The following PTPRT variants were observed in gnomAD, a reference collection of about 807,000 sequenced individuals.
The protein encoded by PTPRT is receptor-type tyrosine-protein phosphatase T.
Under a neutral mutation model 176.8 loss-of-function variants are expected in PTPRT, and 56 were observed. That is an observed-to-expected ratio of 0.32 (90% CI 0.26 to 0.40). The LOEUF is 0.40. Among genes scored for constraint, PTPRT ranks in the 10% least tolerant of loss-of-function variants. PTPRT has a pLI of 1.00. For missense variants in PTPRT, 1,540 were observed against 1,908.2 expected (o/e 0.81, Z 3.60); for synonymous variants, 783 against 739.0 (o/e 1.06, Z -0.96).
At chr20:42,439,188 C>T (rs2059289985) in intron 9 of PTPRT, among the ~76,000 whole-genome samples, 1 of 152,156 alleles carries the variant, frequency 6.6e-6, no homozygotes, top group South Asian at 2.1e-4. Flanking sequence ...GAACAAATGG[C>T]TCCTAGACAT....
intron 1 of PTPRT, among the ~76,000 whole-genome samples, chr20:43,130,313 A>G (rs2013604301): frequency 6.6e-6 from 1 of 152,128 alleles, no homozygotes; most frequent in South Asian, 2.1e-4. Context: ...ACTGGAACAT[A>G]TTGTCTTTTC....
At chr20:42,605,516 A>G (rs959126109) in intron 7 of PTPRT, among the ~76,000 whole-genome samples, 2 of 152,238 alleles carry the variant, frequency 1.3e-5, no homozygotes, top group Non-Finnish European at 2.9e-5. Context: ...CTAATGCCTC[A>G]GCCTCAGCCA....
At chr20:42,684,126 G>A (rs1230003644) in intron 6 of PTPRT, among the ~76,000 whole-genome samples, 1 of 152,170 alleles carries the variant, frequency 6.6e-6, no homozygotes, top group Non-Finnish European at 1.5e-5. Context: ...GCCAAGGCAG[G>A]AGGATCACTT....
chr20:42,578,134 C>G (rs1288320295), intron 7 of PTPRT, among the ~76,000 whole-genome samples: 1 of 152,060 alleles, frequency 6.6e-6, no homozygotes, highest in Non-Finnish European at 1.5e-5. Context: ...GATGGGAAAA[C>G]AGGCCCAGAG....
intron 2 of PTPRT, among the ~76,000 whole-genome samples, chr20:42,878,507 A>G (rs1326631166): frequency 6.6e-6 from 1 of 152,184 alleles, no homozygotes; most frequent in Non-Finnish European, 1.5e-5. Flanking sequence ...CATGTCTGCA[A>G]TATATATTTC....
At chr20:42,350,948 T>C (rs538501788) in intron 10 of PTPRT, among the ~76,000 whole-genome samples, 1 of 152,242 alleles carries the variant, frequency 6.6e-6, no homozygotes, top group East Asian at 1.9e-4. Flanking sequence ...TGGGGAAGGG[T>C]AGCAATGATC....
At chr20:43,113,377 C>T (rs1230791541) in intron 1 of PTPRT, among the ~76,000 whole-genome samples, 1 of 152,188 alleles carries the variant, frequency 6.6e-6, no homozygotes, top group Non-Finnish European at 1.5e-5. Flanking sequence ...ATTATTTTAA[C>T]TTTGCTAACA....
At chr20:42,733,320 C>T (rs75230273) in intron 6 of PTPRT, among the ~76,000 whole-genome samples, 66 of 152,288 alleles carry the variant, frequency 4.3e-4, no homozygotes, top group African/African-American at 1.5e-3. Context: ...TTCTGAAACA[C>T]GGGCTCATTT....
chr20:42,699,353 C>T (rs2146152262), intron 6 of PTPRT, among the ~76,000 whole-genome samples: 1 of 152,218 alleles, frequency 6.6e-6, no homozygotes, highest in East Asian at 1.9e-4. Context: ...CTTGAGAAAG[C>T]CTTCTAGGAG....
intron 8 of PTPRT, among the ~76,000 whole-genome samples, chr20:42,461,341 T>TAAATA (rs1256422092): frequency 6.6e-6 from 1 of 151,666 alleles, no homozygotes; most frequent in East Asian, 1.9e-4. Flanking sequence ...AATAAATAAA[T>TAAATA]AAATAAAATA....
intron 13 of PTPRT, among the ~76,000 whole-genome samples, chr20:42,278,268 C>T (rs1329592508): frequency 6.6e-6 from 1 of 150,846 alleles, no homozygotes; most frequent in Non-Finnish European, 1.5e-5. Flanking sequence ...CTTAAAGATA[C>T]TTCTCTGTTA....
At chr20:42,529,130 T>C (rs77343420) in intron 7 of PTPRT, among the ~76,000 whole-genome samples, 1 of 152,334 alleles carries the variant, frequency 6.6e-6, no homozygotes, top group East Asian at 1.9e-4. Context: ...TTTCACTACA[T>C]AACCCTGATT....
intron 7 of PTPRT, among the ~76,000 whole-genome samples, chr20:42,566,161 A>T (rs1245014508): frequency 6.6e-6 from 1 of 152,074 alleles, no homozygotes; most frequent in Non-Finnish European, 1.5e-5. Context: ...TTTGAGACAG[A>T]GTCTCACTCT....
intron 2 of PTPRT, among the ~76,000 whole-genome samples, chr20:42,859,471 C>A (rs1451622821): frequency 2.0e-5 from 3 of 152,010 alleles, no homozygotes; most frequent in Admixed American, 2.0e-4. Flanking sequence ...GTGTGTCTGC[C>A]GGATTATTTT....
chr20:42,175,701 G>A (rs1426645329), intron 16 of PTPRT, among the ~76,000 whole-genome samples: 1 of 152,088 alleles, frequency 6.6e-6, no homozygotes, highest in African/African-American at 2.4e-5. Flanking sequence ...CCAGACTCTT[G>A]AGTCGGCATT....
intron 7 of PTPRT, among the ~76,000 whole-genome samples, chr20:42,570,566 C>A (rs1310808816): frequency 6.6e-6 from 1 of 152,114 alleles, no homozygotes; most frequent in African/African-American, 2.4e-5. Flanking sequence ...TTAGATGTCT[C>A]CAGAAAATGT....
At chr20:43,036,299 A>G (rs1186487901) in intron 1 of PTPRT, among the ~76,000 whole-genome samples, 1 of 152,204 alleles carries the variant, frequency 6.6e-6, no homozygotes, top group Non-Finnish European at 1.5e-5. Flanking sequence ...AAGTGGGATC[A>G]TGGCATACTA....
chr20:42,424,311 C>A (rs1282139238), intron 9 of PTPRT, among the ~76,000 whole-genome samples: 2 of 152,148 alleles, frequency 1.3e-5, no homozygotes, highest in African/African-American at 4.8e-5. Context: ...CTGACAGAAA[C>A]TTAAAGCCCA....
chr20:42,358,953 C>T (rs546785317), intron 9 of PTPRT, among the ~76,000 whole-genome samples: 120 of 152,026 alleles, frequency 7.9e-4, no homozygotes, highest in Admixed American at 2.6e-3. Flanking sequence ...TATTTTATTT[C>T]GAGGGTAATA....
Sources: allele counts gnomAD v4.1 joint callset (sites outside exome capture counted in the v4.1 genomes callset), GRCh38; gene constraint gnomAD v4.1.1; transcripts MANE v1.5; gene names NCBI Gene and HGNC (gene_info 2026-07-23, HGNC 2026-07-21).